Variants in MIGA1 observed in about 807,000 individuals in gnomAD.
MIGA1 encodes mitoguardin 1.
A neutral mutation model predicts 82.0 loss-of-function variants in MIGA1; 58 were observed. The ratio of observed to expected loss-of-function variants is 0.71; its 90% confidence interval spans 0.57 to 0.88. The LOEUF (loss-of-function observed/expected upper bound fraction) is 0.88, where lower values mean the gene tolerates loss of function less well. Among genes scored for constraint, MIGA1 ranks in the 40% least tolerant of loss-of-function variants. The pLI is 0.00. For missense variants in MIGA1, 751 were observed against 749.1 expected, an observed-to-expected ratio of 1.00 and a Z score of -0.03; for synonymous variants, 249 against 253.6, an observed-to-expected ratio of 0.98 and a Z score of 0.17.
chr1:77,796,988 T>C (rs928713748), intron 2 of MIGA1, among the ~76,000 whole-genome samples: 2 of 152,202 alleles, frequency 1.3e-5, no homozygotes, highest in East Asian at 3.8e-4. Context: ...CCATTGATGT[T>C]TTCTGTCCCT....
intron 2 of MIGA1, among the ~76,000 whole-genome samples, chr1:77,785,852 A>T (rs966213966): frequency 1.3e-5 from 2 of 151,902 alleles, no homozygotes; most frequent in Non-Finnish European, 2.9e-5. Context: ...CTGTTGGTGG[A>T]TCTATCATTC....
intron 7 of MIGA1, among the ~76,000 whole-genome samples, chr1:77,830,911 G>A (rs1684217855): frequency 6.6e-6 from 1 of 152,158 alleles, no homozygotes; most frequent in Non-Finnish European, 1.5e-5. Context: ...AAGGGCTAAT[G>A]TGCCTATTTT....
chr1:77,844,195 TACAC>T (rs970033383), intron 8 of MIGA1, among the ~76,000 whole-genome samples: 20 of 145,926 alleles, frequency 1.4e-4, no homozygotes, highest in Non-Finnish European at 2.0e-4. Flanking sequence ...CACACACACA[TACAC>T]ACATTCACTG....
chr1:77,843,421 G>A lies in MIGA1; in HGVS notation c.996+14G>A, dbSNP rs113912693. 1 of 1,591,964 alleles carries A rather than the reference G, an allele frequency of 6.3e-7. No individual in the cohort carries two copies. Among genetic ancestry groups the A allele is most frequent in the South Asian group, 1.1e-5 (1 of 90,438 alleles). ...TCCGCAGCAGAGGTAGGACATATGT[G>A]TTCCTAATGAGGATTTCTGTTTCTT... On this transcript the variant is annotated intron_variant, in intron 8 of 15. Transcript: ENST00000370791.
rs567838965 is a variant in MIGA1 at position 77,811,978 on chromosome 1, C to T, written c.638-1756C>T. Among the ~76,000 whole-genome samples, 6 of 152,184 alleles carry T rather than the reference C, an allele frequency of 3.9e-5. No individual in the cohort carries two copies. In the East Asian group the frequency reaches 1.2e-3, roughly 29 times the overall value. ...AGGAAGATTCAAAAGCTATTTTTTG[C>T]TACAGAAAATCAAACAAGAAGGAAA... On this transcript the variant is annotated intron_variant, in intron 5 of 15. Coordinates refer to ENST00000370791, the MANE Select transcript of MIGA1 (RefSeq NM_198549.4).
chr1:77,795,716 G>T (rs2101728666), intron 2 of MIGA1, among the ~76,000 whole-genome samples: 1 of 148,692 alleles, frequency 6.7e-6, no homozygotes, highest in Non-Finnish European at 1.5e-5. Context: ...TGCAACCTCT[G>T]CCTCCTGGGT....
chr1:77,830,957 T>A (rs1305001846), intron 7 of MIGA1, among the ~76,000 whole-genome samples: 1 of 152,188 alleles, frequency 6.6e-6, no homozygotes, highest in Non-Finnish European at 1.5e-5. Flanking sequence ...AACTAACACT[T>A]ACACTTATGG....
chr1:77,847,706 A>G (rs1295441779), intron 8 of MIGA1: 10 of 1,583,110 alleles, frequency 6.3e-6, no homozygotes, highest in Non-Finnish European at 7.8e-6. Flanking sequence ...TAAATCAAGC[A>G]GTTGGTGAAG....
intron 7 of MIGA1, among the ~76,000 whole-genome samples, chr1:77,821,848 G>C (rs1683823147): frequency 6.6e-6 from 1 of 152,170 alleles, no homozygotes; most frequent in African/African-American, 2.4e-5. Flanking sequence ...GTCAGAGTCA[G>C]AGACCTGAGG....
At chr1:77,808,115 C>A (rs1412093592) in intron 5 of MIGA1, among the ~76,000 whole-genome samples, 4 of 151,504 alleles carry the variant, frequency 2.6e-5, no homozygotes, top group African/African-American at 9.7e-5. Context: ...CCACCTCACC[C>A]AGCCACCTTT....
chr1:77,842,542 GTTT>G (rs919973618), intron 7 of MIGA1, among the ~76,000 whole-genome samples: 2 of 151,680 alleles, frequency 1.3e-5, no homozygotes, highest in Non-Finnish European at 2.9e-5. Context: ...TTCTTGAATT[GTTT>G]TTTTTTGTTG....
chr1:77,790,607 CAG>C (rs1335037863), intron 2 of MIGA1, among the ~76,000 whole-genome samples: 3 of 143,244 alleles, frequency 2.1e-5, no homozygotes, highest in African/African-American at 5.2e-5. Context: ...TTTTTTGAGA[CAG>C]AGTTTTGCTC....
At chr1:77,851,150 C>T (rs1685034335) in intron 8 of MIGA1, among the ~76,000 whole-genome samples, 1 of 152,208 alleles carries the variant, frequency 6.6e-6, no homozygotes, top group Admixed American at 6.5e-5. Flanking sequence ...GGATTACAGG[C>T]ATGAGCCACC....
intron 6 of MIGA1, among the ~76,000 whole-genome samples, chr1:77,814,872 C>CT (rs1015985015): frequency 6.6e-6 from 1 of 152,154 alleles, no homozygotes; most frequent in Non-Finnish European, 1.5e-5. Flanking sequence ...CCAATCTAGT[C>CT]TAACTCCTTA....
rs149798484 is a variant in MIGA1, at chr1:77,857,007, G to A, written c.997-1931G>A. On this transcript the variant is annotated intron_variant, in intron 8 of 15. Coordinates refer to ENST00000370791, the MANE Select transcript of MIGA1 (RefSeq NM_198549.4). ...CTCTTTCAGACTTTTTGATGTAGGC[G>A]TTTAGGGCTATGAACTTTCCTCTTA... Among the ~76,000 whole-genome samples, 284 of 152,234 alleles carry A rather than the reference G, an allele frequency of 1.9e-3. 1 individual carries two copies. The highest frequency in any genetic ancestry group is 6.3e-3 in the African/African-American group (262 of 41,550).
intron 7 of MIGA1, among the ~76,000 whole-genome samples, chr1:77,836,174 C>T (rs2101871136): frequency 6.6e-6 from 1 of 151,868 alleles, no homozygotes. Context: ...ACTGTACGAA[C>T]CACCAGGAAA....
rs1646901032 is a variant in MIGA1, at chr1:77,877,225, A to G, written c.*2161A>G. On this transcript the variant is annotated 3_prime_UTR_variant, in exon 16 of 16. Coordinates refer to ENST00000370791, the MANE Select transcript of MIGA1 (RefSeq NM_198549.4). The stretch of plus-strand genomic sequence containing the variant: ...GAAGATGAAAAAAGTGGGCGGGAAA[A>G]GCATAATCTTTTAAGATTTGTAATT... The G allele has an allele frequency of 6.6e-6, 1 of 152,210 alleles. No homozygotes were observed. The highest frequency in any genetic ancestry group is 1.5e-5 in the Non-Finnish European group (1 of 68,036). The allele number at this position is 152,210 out of a possible 1,614,324, so 9.4% of individuals were successfully genotyped here.
chr1:77,828,430 T>C (rs1329508276), intron 7 of MIGA1, among the ~76,000 whole-genome samples: 1 of 152,220 alleles, frequency 6.6e-6, no homozygotes, highest in African/African-American at 2.4e-5. Flanking sequence ...GCAGGTAATA[T>C]CTGAATGATA....
chr1:77,835,407 A>AT (rs1181711176), intron 7 of MIGA1, among the ~76,000 whole-genome samples: 8 of 152,104 alleles, frequency 5.3e-5, no homozygotes, highest in Non-Finnish European at 8.8e-5. Flanking sequence ...GACAGTTTAA[A>AT]TTTTTTTTAA....
Sources: gnomAD v4.1 joint callset for allele counts (sites outside exome capture counted in the v4.1 genomes callset) on GRCh38, gnomAD v4.1.1 for gene constraint, MANE v1.5 for transcripts, NCBI Gene and HGNC (gene_info 2026-07-23, HGNC 2026-07-21) for gene names.